Variants in FMNL2 observed in about 807,000 individuals in gnomAD.
FMNL2 encodes formin like 2, also known as formin-like protein 2.
A neutral mutation model predicts 130.2 loss-of-function variants in FMNL2; 51 were observed. The observed-to-expected ratio is 0.39, with a 90% CI of 0.31 to 0.49. The LOEUF (loss-of-function observed/expected upper bound fraction) is 0.49, where lower values mean the gene tolerates loss of function less well. Among genes scored for constraint, FMNL2 ranks in the 20% least tolerant of loss-of-function variants. The pLI is 0.85. For missense variants in FMNL2, 977 were observed against 1,316.2 expected, an observed-to-expected ratio of 0.74 and a Z score of 3.99; for synonymous variants, 465 against 467.1, an observed-to-expected ratio of 1.00 and a Z score of 0.06.
At chr2:152,570,250 T>C (rs990963171) in intron 6 of FMNL2, among the ~76,000 whole-genome samples, 1 of 152,210 alleles carries the variant, frequency 6.6e-6, no homozygotes, top group Non-Finnish European at 1.5e-5. Flanking sequence ...CAGAGCTTTG[T>C]GAATTCTAAC....
At chr2:152,349,324 T>C (rs548162622) in intron 1 of FMNL2, among the ~76,000 whole-genome samples, 1 of 152,348 alleles carries the variant, frequency 6.6e-6, no homozygotes, top group Non-Finnish European at 1.5e-5. Flanking sequence ...ATATGCATTA[T>C]CGTTGATGCT....
At chr2:152,401,335 T>C (rs1685682369) in intron 1 of FMNL2, among the ~76,000 whole-genome samples, 1 of 152,246 alleles carries the variant, frequency 6.6e-6, no homozygotes, top group South Asian at 2.1e-4. Context: ...CCCTAAAAGT[T>C]CACGTTGGAC....
chr2:152,570,901 C>A (rs1307489351), intron 6 of FMNL2, among the ~76,000 whole-genome samples: 4 of 152,188 alleles, frequency 2.6e-5, no homozygotes, highest in South Asian at 2.1e-4. Flanking sequence ...GATAAGAAAA[C>A]TGGCAAAAAT....
rs369336685 is a variant in FMNL2 at position 152,544,321 on chromosome 2, T to C, written c.282+1502T>C. 5.3e-5 allele frequency among the ~76,000 whole-genome samples: 8 copies of C among 152,156 alleles called. No homozygotes were observed. In the South Asian group the frequency reaches 1.5e-3, roughly 28 times the overall value. On this transcript the variant is annotated intron_variant, in intron 3 of 25. Transcript: ENST00000288670. ...TACTCGGGAGGCTGAGGTAGGAGAA[T>C]CGCTTGAACCCAGGAGGCGGAGGTT... is the stretch of plus-strand genomic sequence containing the variant.
At position 152,624,549 on chromosome 2, in the gene FMNL2, T is replaced by C. The variant is rs865968779; in HGVS notation, c.1838-889T>C. ...TTTTTTCACTCTGTTGTCTTAAACA[T>C]TTTCTTAGGCTGGGCAAGATGGCTC... On this transcript the variant is annotated intron_variant, in intron 15 of 25. Transcript: ENST00000288670. Among the ~76,000 whole-genome samples, 5 of 151,620 alleles carry C rather than the reference T, an allele frequency of 3.3e-5. No individual in the cohort carries two copies. In the South Asian group the frequency reaches 1.1e-3, roughly 32 times the overall value.
chr2:152,489,699 C>G (rs571881019), intron 1 of FMNL2, among the ~76,000 whole-genome samples: 1 of 152,074 alleles, frequency 6.6e-6, no homozygotes, highest in Non-Finnish European at 1.5e-5. Flanking sequence ...GGATGTGGGA[C>G]GTAGAATGTA....
chr2:152,362,093 T>C (rs1412357012), intron 1 of FMNL2, among the ~76,000 whole-genome samples: 1 of 152,242 alleles, frequency 6.6e-6, no homozygotes, highest in East Asian at 1.9e-4. Context: ...TGGTTTTGTT[T>C]AGCTACATGC....
rs368085710 is a variant in FMNL2, at chr2:152,469,282, A to G, written c.118-52661A>G. ...TGTCATTTCAGCTCTTCCTGATATC[A>G]TGTGTAACACCGAGGAGGAAGTCAG... On this transcript the variant is annotated intron_variant, in intron 1 of 25. Transcript: ENST00000288670. 5.9e-5 allele frequency among the ~76,000 whole-genome samples: 9 copies of G among 152,232 alleles called. No homozygotes were observed. In the East Asian group the frequency reaches 9.6e-4, roughly 16 times the overall value.
intron 1 of FMNL2, among the ~76,000 whole-genome samples, chr2:152,352,174 T>A (rs1395383948): frequency 6.6e-6 from 1 of 152,180 alleles, no homozygotes; most frequent in Non-Finnish European, 1.5e-5. Context: ...TATTAGTGGC[T>A]TTGTTTATTG....
chr2:152,416,929 G>A (rs1159290831), intron 1 of FMNL2, among the ~76,000 whole-genome samples: 1 of 152,118 alleles, frequency 6.6e-6, no homozygotes, highest in African/African-American at 2.4e-5. Flanking sequence ...TTCACTGCTC[G>A]GGAAGAATAG....
chr2:152,498,788 G>A (rs78307318), intron 1 of FMNL2, among the ~76,000 whole-genome samples: 11,153 of 152,140 alleles, frequency 0.073, 662 homozygotes, highest in Admixed American at 0.21. Flanking sequence ...AGATCATCAA[G>A]GAAAATAAAA....
intron 1 of FMNL2, among the ~76,000 whole-genome samples, chr2:152,453,154 A>T (rs1016791340): frequency 4.8e-5 from 7 of 144,408 alleles, no homozygotes; most frequent in African/African-American, 1.8e-4. Context: ...GCAAGCCAAG[A>T]TCGCACCAGT....
In FMNL2 at chr2:152,561,048, A is replaced by T. The variant is rs1383959412; in HGVS notation, c.596+13A>T. The T allele has an allele frequency of 3.8e-6, 6 of 1,579,122 alleles. No homozygotes were observed. Among genetic ancestry groups the T allele is most frequent in the Middle Eastern group, 1.7e-4 (1 of 5,956 alleles). On this transcript the variant is annotated intron_variant, in intron 6 of 25. Transcript: ENST00000288670. ...ATTCTGCACTGCGGTGAGTTCGTTT[A>T]ATCAGGAGGCAACTTTGGCAGGATG...
chr2:152,551,088 C>T (rs539260309), intron 4 of FMNL2, among the ~76,000 whole-genome samples: 16 of 149,080 alleles, frequency 1.1e-4, no homozygotes, highest in Middle Eastern at 3.5e-3. Context: ...GCAAGTGAGC[C>T]GAGATCATTC....
At chr2:152,587,912 A>G (rs73008200) in intron 9 of FMNL2, among the ~76,000 whole-genome samples, 7,006 of 152,330 alleles carry the variant, frequency 0.046, 548 homozygotes, top group African/African-American at 0.16. Flanking sequence ...ACCAGGCTTT[A>G]TAAAGGTAAT....
intron 1 of FMNL2, among the ~76,000 whole-genome samples, chr2:152,499,164 G>A (rs1035326089): frequency 6.6e-6 from 1 of 152,178 alleles, no homozygotes; most frequent in East Asian, 1.9e-4. Flanking sequence ...AGTCCCAGTG[G>A]AAAAGTGTTG....
intron 1 of FMNL2, among the ~76,000 whole-genome samples, chr2:152,339,574 G>A (rs905667444): frequency 1.3e-5 from 2 of 152,194 alleles, no homozygotes; most frequent in Non-Finnish European, 2.9e-5. Flanking sequence ...ACAATTTTAA[G>A]TCTGTGTCTT....
intron 23 of FMNL2, among the ~76,000 whole-genome samples, chr2:152,638,693 C>T (rs749142551): frequency 2.6e-5 from 4 of 152,198 alleles, no homozygotes; most frequent in Admixed American, 6.5e-5. Context: ...GTGCCAGACT[C>T]AGGATTTGCT....
At chr2:152,488,158 C>G (rs925048315) in intron 1 of FMNL2, among the ~76,000 whole-genome samples, 2 of 152,144 alleles carry the variant, frequency 1.3e-5, no homozygotes, top group Admixed American at 1.3e-4. Context: ...AATGAATAGG[C>G]CCTATGCTGG....
Sources: allele counts gnomAD v4.1 joint callset (sites outside exome capture counted in the v4.1 genomes callset), GRCh38; gene constraint gnomAD v4.1.1; transcripts MANE v1.5; gene names NCBI Gene and HGNC (gene_info 2026-07-23, HGNC 2026-07-21).